Variants in MBNL1 observed in about 807,000 individuals in gnomAD.
The protein encoded by MBNL1 is muscleblind like splicing regulator 1.
A neutral mutation model predicts 42.2 loss-of-function variants in MBNL1; 8 were observed. That is an observed-to-expected ratio of 0.19 (90% CI 0.11 to 0.34). The LOEUF is 0.34. Ranked by LOEUF, MBNL1 falls within the 10% of genes least tolerant of loss-of-function variation. MBNL1 has a pLI of 1.00. For synonymous variants in MBNL1, 169 were observed against 173.9 expected (o/e 0.97, Z 0.22); for missense variants, 309 against 495.3 (o/e 0.62, Z 3.57).
chr3:152,284,127 T>C (rs2050162412), intron 1 of MBNL1, among the ~76,000 whole-genome samples: 1 of 152,178 alleles, frequency 6.6e-6, no homozygotes, highest in Admixed American at 6.5e-5. Flanking sequence ...ACACATATTT[T>C]ATGTGTATTA....
rs568573414 is a variant in MBNL1, at chr3:152,393,138, C to G, written c.175-21803C>G. On this transcript the variant is annotated intron_variant, in intron 2 of 9. Coordinates refer to ENST00000324210, the MANE Select transcript of MBNL1 (RefSeq NM_021038.5). ...TCACCCAGCCCTCCCTGGCCTGTCT[C>G]CTTGACTTCTGTCATTCCTCCCTGA... 1.5e-4 allele frequency among the ~76,000 whole-genome samples: 23 copies of G among 152,304 alleles called. No individual in the cohort carries two copies. The South Asian group carries it at 1.7e-3, about 11-fold the overall frequency.
chr3:152,427,670 C>A (rs752708219), intron 3 of MBNL1, among the ~76,000 whole-genome samples: 4 of 151,452 alleles, frequency 2.6e-5, no homozygotes, highest in Non-Finnish European at 4.4e-5. Flanking sequence ...GTTATGCCTA[C>A]CCAGAAACAT....
chr3:152,281,167 T>C (rs749227854), intron 1 of MBNL1, among the ~76,000 whole-genome samples: 12 of 152,290 alleles, frequency 7.9e-5, no homozygotes, highest in Admixed American at 4.6e-4. Flanking sequence ...GATTTAGGCA[T>C]TGCTATCTTT....
chr3:152,400,189 C>T (rs530292056), intron 2 of MBNL1, among the ~76,000 whole-genome samples: 145 of 152,270 alleles, frequency 9.5e-4, no homozygotes, highest in African/African-American at 3.3e-3. Context: ...TTGAACAGGC[C>T]ACTGAGGAGA....
intron 1 of MBNL1, among the ~76,000 whole-genome samples, chr3:152,279,848 A>G (rs547401022): frequency 2.0e-5 from 3 of 152,274 alleles, no homozygotes; most frequent in East Asian, 1.9e-4. Context: ...ATGTTACATC[A>G]TCTAATTTAT....
intron 2 of MBNL1, among the ~76,000 whole-genome samples, chr3:152,389,552 G>T (rs1047371196): frequency 1.9e-4 from 29 of 152,262 alleles, no homozygotes; most frequent in Admixed American, 1.5e-3. Flanking sequence ...TTGCTTCTAG[G>T]CTGGAAACCT....
chr3:152,261,020 GA>G (rs2036170861), intron 2 of MBNL1, among the ~76,000 whole-genome samples: 1 of 152,100 alleles, frequency 6.6e-6, no homozygotes, highest in African/African-American at 2.4e-5. Context: ...CTTGCCAAAG[GA>G]AAAAATGGAA....
chr3:152,282,787 T>G (rs1014502972), intron 1 of MBNL1, among the ~76,000 whole-genome samples: 7 of 152,178 alleles, frequency 4.6e-5, no homozygotes, highest in Admixed American at 2.0e-4. Flanking sequence ...GATTTTATTT[T>G]CATGTAAAGA....
intron 2 of MBNL1, among the ~76,000 whole-genome samples, chr3:152,260,035 G>T (rs1423920168): frequency 6.6e-6 from 1 of 152,140 alleles, no homozygotes; most frequent in East Asian, 1.9e-4. Flanking sequence ...GAGGCTTCAG[G>T]TCTAGTTTTT....
chr3:152,276,560 C>T (rs1397412397), intron 1 of MBNL1, among the ~76,000 whole-genome samples: 1 of 151,930 alleles, frequency 6.6e-6, no homozygotes, highest in Non-Finnish European at 1.5e-5. Flanking sequence ...CTTTAAAAGA[C>T]TTGTACTTTC....
intron 6 of MBNL1, among the ~76,000 whole-genome samples, chr3:152,450,554 G>T (rs1720677332): frequency 6.6e-6 from 1 of 152,308 alleles, no homozygotes; most frequent in Non-Finnish European, 1.5e-5. Context: ...GGGGAGCACA[G>T]GCTCAGTCTA....
Position 152,432,595 on chromosome 3 carries a change from A to G in MBNL1, c.346-122A>G. 6.3e-6 allele frequency: 5 copies of G among 797,382 alleles called. No homozygotes were observed. In the Admixed American group the frequency reaches 7.5e-5, roughly 12 times the overall value. The allele number at this position is 797,382 out of a possible 1,614,324, so 49.4% of individuals were successfully genotyped here. On this transcript the variant is annotated intron_variant, in intron 3 of 9. Transcript: ENST00000324210. The stretch of plus-strand genomic sequence containing the variant: ...ATGATAGTAAATGAACACAGGATTA[A>G]AGGGAAGGAGGGAAGGCCTAAGGAA...
chr3:152,373,959 G>C (rs772205346), intron 2 of MBNL1, among the ~76,000 whole-genome samples: 3 of 152,090 alleles, frequency 2.0e-5, no homozygotes, highest in Non-Finnish European at 4.4e-5. Flanking sequence ...TATTGATCTT[G>C]TTGCTTCTAT....
At chr3:152,410,826 T>TA (rs1475383298) in intron 2 of MBNL1, among the ~76,000 whole-genome samples, 2 of 152,254 alleles carry the variant, frequency 1.3e-5, no homozygotes, top group Non-Finnish European at 2.9e-5. Context: ...ACACATTGAT[T>TA]AAGAGCCAAG....
chr3:152,418,801 C>T lies in MBNL1; in HGVS notation c.345+3690C>T, dbSNP rs139758680. The stretch of plus-strand genomic sequence containing the variant: ...GTGTGATCTCAGCTCACTGCAAGCT[C>T]CGCCTCCCAAGTTCACACCGTTCTC... On this transcript the variant is annotated intron_variant, in intron 3 of 9. Transcript: ENST00000324210. Among the ~76,000 whole-genome samples, 21 of 150,052 alleles carry T rather than the reference C, an allele frequency of 1.4e-4. No homozygotes were observed. In the East Asian group the frequency reaches 3.9e-3, roughly 28 times the overall value.
At chr3:152,432,220 T>C (rs2099016560) in intron 3 of MBNL1, among the ~76,000 whole-genome samples, 1 of 152,228 alleles carries the variant, frequency 6.6e-6, no homozygotes, top group South Asian at 2.1e-4. Flanking sequence ...CAGCTTACAT[T>C]GACTGTGAAA....
rs539536151 is a variant in MBNL1, at chr3:152,384,237, A to C, written c.175-30704A>C. On this transcript the variant is annotated intron_variant, in intron 2 of 9. Transcript: ENST00000324210. ...TAGAGGAAATGTGTTTCTTTTTCCTAGAGGAAAAGCATAACGATTGGAGTA... is the reference window on the plus strand; with the variant it reads ...TAGAGGAAATGTGTTTCTTTTTCCTCGAGGAAAAGCATAACGATTGGAGTA... Among the ~76,000 whole-genome samples the C allele has an allele frequency of 2.0e-5, 3 of 152,120 alleles. No homozygotes were observed. The East Asian group carries it at 5.8e-4, about 29-fold the overall frequency.
At chr3:152,454,837 C>T (rs574433173) in intron 6 of MBNL1, among the ~76,000 whole-genome samples, 1 of 152,246 alleles carries the variant, frequency 6.6e-6, no homozygotes, top group South Asian at 2.1e-4. Flanking sequence ...CAATTTGATA[C>T]TTATAAGAAA....
At chr3:152,269,668 C>G (rs1366302169) in intron 1 of MBNL1, 1 of 306,212 alleles carries the variant, frequency 3.3e-6, no homozygotes, top group South Asian at 2.4e-5. Flanking sequence ...TGCCTTTTGC[C>G]AAGTTTACAG....
Sources: allele counts gnomAD v4.1 joint callset (sites outside exome capture counted in the v4.1 genomes callset), GRCh38; gene constraint gnomAD v4.1.1; transcripts MANE v1.5; gene names NCBI Gene and HGNC (gene_info 2026-07-23, HGNC 2026-07-21).